Variants in POC1B observed in about 807,000 individuals in gnomAD.
The protein encoded by POC1B is POC1 centriolar protein B.
Under a neutral mutation model 60.6 loss-of-function variants are expected in POC1B, and 44 were observed. The ratio of observed to expected loss-of-function variants is 0.73; its 90% CI spans 0.57 to 0.93. The LOEUF (loss-of-function observed/expected upper bound fraction) is 0.93. POC1B is among the 40% of genes least tolerant of loss of function. The pLI is 0.00. For synonymous variants in POC1B, 180 were observed against 198.9 expected, an observed-to-expected ratio of 0.90 and a Z score of 0.80; for missense variants, 555 against 572.3, an observed-to-expected ratio of 0.97 and a Z score of 0.31.
At chr12:89,458,255 A>C (rs1882337108) in intron 10 of POC1B, among the ~76,000 whole-genome samples, 2 of 152,226 alleles carry the variant, frequency 1.3e-5, no homozygotes, top group Non-Finnish European at 2.9e-5. Context: ...CAGATTTTGT[A>C]AATTTCTACA....
intron 2 of POC1B, chr12:89,501,530 T>C (rs1869565709): frequency 1.8e-6 from 2 of 1,086,748 alleles, no homozygotes; most frequent in Admixed American, 2.5e-5. Context: ...GCTTCCAAAA[T>C]ACAGATGCCA....
chr12:89,411,272 T>C, the POC1B span, among the ~76,000 whole-genome samples: 1 of 152,172 alleles, frequency 6.6e-6, no homozygotes, highest in African/African-American at 2.4e-5. Context: ...AAAAACTATT[T>C]TAAATTTCAT....
At chr12:89,486,130 T>C (rs2135732552) in intron 4 of POC1B, among the ~76,000 whole-genome samples, 1 of 152,324 alleles carries the variant, frequency 6.6e-6, no homozygotes, top group Non-Finnish European at 1.5e-5. Context: ...CTCTCTTCAG[T>C]AAAGGAAGCT....
At chr12:89,445,222 C>T (rs545478312) in intron 10 of POC1B, among the ~76,000 whole-genome samples, 1 of 152,276 alleles carries the variant, frequency 6.6e-6, no homozygotes, top group South Asian at 2.1e-4. Context: ...TATCAAGCTA[C>T]CAATGACTTT....
At chr12:89,473,922 T>C (rs1436725196) in intron 4 of POC1B, among the ~76,000 whole-genome samples, 3 of 151,434 alleles carry the variant, frequency 2.0e-5, no homozygotes, top group Non-Finnish European at 4.4e-5. Context: ...TATAAAAAAC[T>C]GGCCAGGCGC....
In POC1B at chr12:89,472,187, T is replaced by C. The variant is rs1882926280; in HGVS notation, c.541A>G (p.Asn181Asp). The C allele has an allele frequency of 1.3e-6, 2 of 1,593,420 alleles. No homozygotes were observed. The highest frequency in any genetic ancestry group is 1.7e-6 in the Non-Finnish European group (2 of 1,161,738). The part of the protein sequence containing the change: ...WDTTNKQCVN[N>D]FSDSVGFANF... ...ACTTACCCAACGGAATCTGAGAAGT[T>C]ATTAACACATTGCTTATTTGTGGTA... The change falls in exon 5 of 12, where the codon AAC (asparagine) becomes GAC (aspartate). Residue 181 changes from asparagine to aspartate, a missense_variant. Coordinates refer to ENST00000313546, the MANE Select transcript of POC1B (RefSeq NM_172240.3).
chr12:89,446,835 T>C (rs1038175861), intron 10 of POC1B, among the ~76,000 whole-genome samples: 1 of 151,940 alleles, frequency 6.6e-6, no homozygotes, highest in Non-Finnish European at 1.5e-5. Context: ...TAGGGAAACA[T>C]AATGGAAGAG....
At chr12:89,525,584 T>C (rs1210702705) in intron 1 of POC1B, 1 of 1,283,618 alleles carries the variant, frequency 7.8e-7, no homozygotes, top group Non-Finnish European at 9.8e-7. Flanking sequence ...TAGGTGATTC[T>C]GACGCAGGCG....
At chr12:89,459,275 G>A (rs1258140451) in intron 10 of POC1B, among the ~76,000 whole-genome samples, 6 of 151,976 alleles carry the variant, frequency 3.9e-5, no homozygotes. Context: ...GGGGTGGCAG[G>A]GGGAGGGATA....
intron 10 of POC1B, among the ~76,000 whole-genome samples, chr12:89,447,076 T>A (rs1881820902): frequency 6.6e-6 from 1 of 152,172 alleles, no homozygotes; most frequent in Admixed American, 6.5e-5. Context: ...TAACTAAATA[T>A]TAATAATAAA....
chr12:89,471,408 C>A (rs1882886866), intron 6 of POC1B, among the ~76,000 whole-genome samples: 1 of 152,052 alleles, frequency 6.6e-6, no homozygotes, highest in South Asian at 2.1e-4. Context: ...CCAGCCCTCA[C>A]ATCATTTTTA....
chr12:89,471,589 A>C (rs1882895978), intron 6 of POC1B, 25 bp downstream of exon 6: 4 of 1,557,312 alleles, frequency 2.6e-6, no homozygotes, highest in Non-Finnish European at 3.5e-6. Context: ...TCGGTAACTG[A>C]ATTTTTTGTT....
At chr12:89,498,720 T>A (rs1020180083) in intron 2 of POC1B, among the ~76,000 whole-genome samples, 8 of 151,742 alleles carry the variant, frequency 5.3e-5, no homozygotes, top group African/African-American at 1.9e-4. Flanking sequence ...TATAGCAGAG[T>A]CAGAATTACC....
chr12:89,425,554 TATA>T (rs1880727798), intron 10 of POC1B, 175 bp from the exon 11 acceptor site: 2 of 493,668 alleles, frequency 4.1e-6, no homozygotes, highest in South Asian at 3.5e-5. Flanking sequence ...TTATAATTCT[TATA>T]ATAAGGAAAC....
intron 9 of POC1B, chr12:89,460,100 T>C (rs1592601975): frequency 3.1e-6 from 1 of 319,988 alleles, no homozygotes. Context: ...AAAGAAATAA[T>C]ATTCTCATTC....
At chr12:89,433,475 C>A (rs1322213773) in intron 10 of POC1B, among the ~76,000 whole-genome samples, 1 of 151,914 alleles carries the variant, frequency 6.6e-6, no homozygotes, top group Admixed American at 6.6e-5. Flanking sequence ...TGTGAAGGAG[C>A]CAGAGAAACA....
Position 89,499,117 on chromosome 12 carries a change from T to C in POC1B, c.101-1775A>G, listed in dbSNP as rs962679694. On this transcript the variant is annotated intron_variant, in intron 2 of 11. Coordinates refer to ENST00000313546, the MANE Select transcript of POC1B (RefSeq NM_172240.3). ...GACAAGGAGGTCAGCGTTTCCATAG[T>C]AGACAGGAGAGAAGAGACCGGTGGG... Among the ~76,000 whole-genome samples the C allele has an allele frequency of 3.9e-5, 6 of 152,054 alleles. No individual in the cohort carries two copies. In the Middle Eastern group the frequency reaches 0.01, roughly 259 times the overall value.
At chr12:89,430,085 T>C (rs1197332323) in intron 10 of POC1B, among the ~76,000 whole-genome samples, 2 of 152,182 alleles carry the variant, frequency 1.3e-5, no homozygotes, top group African/African-American at 4.8e-5. Context: ...AACCCCATGG[T>C]TGCCATCTTG....
Position 89,437,344 on chromosome 12 carries a change from C to A in POC1B, c.1114-11965G>T, listed in dbSNP as rs1219895160. ...CCTCCAAAAACCTTCAAAACACATTCGAGATCATTCACAATCCATCCTCAT... is the reference window on the plus strand; with the variant it reads ...CCTCCAAAAACCTTCAAAACACATTAGAGATCATTCACAATCCATCCTCAT... On this transcript the variant is annotated intron_variant, in intron 10 of 11. Coordinates refer to ENST00000313546, the MANE Select transcript of POC1B (RefSeq NM_172240.3). 3.3e-5 allele frequency among the ~76,000 whole-genome samples: 5 copies of A among 152,194 alleles called. 1 individual carries two copies. The highest frequency in any genetic ancestry group is 7.3e-5 in the Non-Finnish European group (5 of 68,044).
Sources: gnomAD v4.1 joint callset for allele counts (sites outside exome capture counted in the v4.1 genomes callset) on GRCh38, gnomAD v4.1.1 for gene constraint, MANE v1.5 for transcripts, NCBI Gene and HGNC (gene_info 2026-07-23, HGNC 2026-07-21) for gene names.